RABGEF1: variants seen among roughly 807,000 people sequenced by gnomAD.
RABGEF1 encodes the protein rab5 GDP/GTP exchange factor.
Under a neutral mutation model 57.3 loss-of-function variants are expected in RABGEF1, and 26 were observed. The observed-to-expected ratio is 0.45, with a 90% CI of 0.33 to 0.63. The LOEUF is 0.63. Among genes scored for constraint, RABGEF1 ranks in the 20% least tolerant of loss-of-function variants. The pLI is 0.02. For missense variants in RABGEF1, 464 were observed against 607.6 expected (o/e 0.76, Z 2.48); for synonymous variants, 185 against 210.7 (o/e 0.88, Z 1.06).
intron 8 of RABGEF1, among the ~76,000 whole-genome samples, chr7:66,808,658 G>A (rs1464512804): frequency 6.6e-6 from 1 of 152,168 alleles, no homozygotes; most frequent in Non-Finnish European, 1.5e-5. Context: ...GGTGCACCTG[G>A]GGAGGCTGCA....
At chr7:66,664,383 C>T in the RABGEF1 span, among the ~76,000 whole-genome samples, 4 of 151,812 alleles carry the variant, frequency 2.6e-5, no homozygotes, top group African/African-American at 9.7e-5. Flanking sequence ...AGTTCAAGAC[C>T]AGCCTGGACA....
chr7:66,739,636 T>G (rs1798496015), upstream of RABGEF1, among the ~76,000 whole-genome samples: 1 of 117,530 alleles, frequency 8.5e-6, no homozygotes, highest in African/African-American at 3.5e-5. Context: ...AACTCCAGTG[T>G]GGGCGACAGA....
At chr7:66,732,215 G>T (rs1797399693) in intron 2 of RABGEF1, among the ~76,000 whole-genome samples, 1 of 152,214 alleles carries the variant, frequency 6.6e-6, no homozygotes, top group Admixed American at 6.5e-5. Flanking sequence ...CCATAAGCGA[G>T]CCCTGGGTCC....
chr7:66,656,296 T>C, the RABGEF1 span, among the ~76,000 whole-genome samples: 2 of 152,070 alleles, frequency 1.3e-5, no homozygotes, highest in African/African-American at 4.8e-5. Flanking sequence ...TTTAAATATT[T>C]TGTAAAGATG....
the RABGEF1 span, chr7:66,669,748 C>G: frequency 1.3e-5 from 2 of 152,376 alleles, no homozygotes; most frequent in Non-Finnish European, 2.9e-5. Flanking sequence ...CCCAGCCTGC[C>G]CCTCCTGTGA....
intron 3 of RABGEF1, among the ~76,000 whole-genome samples, chr7:66,780,129 G>A (rs140606493): frequency 4.6e-5 from 7 of 152,316 alleles, no homozygotes; most frequent in Non-Finnish European, 7.4e-5. Context: ...TAAAGGAAAT[G>A]AGTAGGATTT....
At chr7:66,666,528 A>G in the RABGEF1 span, among the ~76,000 whole-genome samples, 1 of 152,144 alleles carries the variant, frequency 6.6e-6, no homozygotes, top group Non-Finnish European at 1.5e-5. Flanking sequence ...CTCCCAGCTC[A>G]GGGTATTGGT....
intron 1 of RABGEF1, among the ~76,000 whole-genome samples, chr7:66,745,555 C>T (rs1800005794): frequency 6.6e-6 from 1 of 151,956 alleles, no homozygotes; most frequent in African/African-American, 2.4e-5. Context: ...TCACTTAAGG[C>T]CAGGAGTTTG....
At chr7:66,711,882 G>A (rs930685519) in intron 1 of RABGEF1, among the ~76,000 whole-genome samples, 10 of 151,926 alleles carry the variant, frequency 6.6e-5, no homozygotes, top group African/African-American at 1.5e-4. Flanking sequence ...CACTGCACCC[G>A]GACTGTATAC....
chr7:66,718,210 T>G (rs185628652), intron 2 of RABGEF1, among the ~76,000 whole-genome samples: 102 of 152,224 alleles, frequency 6.7e-4, no homozygotes, highest in Middle Eastern at 3.4e-3. Context: ...TTAGGCGTGG[T>G]GGTGCACATC....
intron 1 of RABGEF1, among the ~76,000 whole-genome samples, chr7:66,763,082 C>T (rs1009142446): frequency 1.3e-5 from 2 of 152,216 alleles, no homozygotes; most frequent in African/African-American, 4.8e-5. Flanking sequence ...GCTGCAGCCT[C>T]AAATTCCCAG....
chr7:66,758,068 A>G (rs556677899), intron 1 of RABGEF1, among the ~76,000 whole-genome samples: 10 of 152,242 alleles, frequency 6.6e-5, no homozygotes, highest in African/African-American at 2.4e-4. Context: ...GTTTTACTAG[A>G]ATTGATTGGA....
intron 1 of RABGEF1, among the ~76,000 whole-genome samples, chr7:66,752,320 C>A (rs1801631111): frequency 6.6e-6 from 1 of 152,144 alleles, no homozygotes; most frequent in South Asian, 2.1e-4. Context: ...CATGGTGAAA[C>A]CCTGTCTCTA....
chr7:66,657,014 A>G, the RABGEF1 span, among the ~76,000 whole-genome samples: 2 of 152,144 alleles, frequency 1.3e-5, no homozygotes. Flanking sequence ...TATGAAGTAA[A>G]AAAGGATAGA....
the RABGEF1 span, among the ~76,000 whole-genome samples, chr7:66,669,586 A>T: frequency 6.6e-6 from 1 of 152,322 alleles, no homozygotes; most frequent in Non-Finnish European, 1.5e-5. Flanking sequence ...AATAATAAAA[A>T]CAAATTTCAC....
At chr7:66,745,675 A>T (rs1163740659) in intron 1 of RABGEF1, among the ~76,000 whole-genome samples, 1 of 151,956 alleles carries the variant, frequency 6.6e-6, no homozygotes, top group Non-Finnish European at 1.5e-5. Context: ...AGTCTGAGGC[A>T]CAAGAATCTC....
At chr7:66,795,007 C>T (rs562407447) in intron 4 of RABGEF1, among the ~76,000 whole-genome samples, 38 of 152,198 alleles carry the variant, frequency 2.5e-4, no homozygotes, top group African/African-American at 7.7e-4. Context: ...ATGGTGAGAC[C>T]GCTAGGTGGG....
At chr7:66,716,774 T>C (rs1206510992) in intron 2 of RABGEF1, among the ~76,000 whole-genome samples, 1 of 152,170 alleles carries the variant, frequency 6.6e-6, no homozygotes, top group African/African-American at 2.4e-5. Context: ...TTCTGTTTGC[T>C]CTCTTTTGTT....
intron 1 of RABGEF1, among the ~76,000 whole-genome samples, chr7:66,694,555 GAGA>G (rs1018827655): frequency 6.6e-6 from 1 of 152,254 alleles, no homozygotes; most frequent in African/African-American, 2.4e-5. Flanking sequence ...AGGTTTGCAT[GAGA>G]AGGAGTTCAT....
Sources: gnomAD v4.1 joint callset for allele counts (sites outside exome capture counted in the v4.1 genomes callset) on GRCh38, gnomAD v4.1.1 for gene constraint, MANE v1.5 for transcripts, NCBI Gene and HGNC (gene_info 2026-07-23, HGNC 2026-07-21) for gene names.